The following PDSS2 variants were observed in gnomAD, a reference collection of about 807,000 sequenced individuals.
PDSS2 encodes decaprenyl diphosphate synthase subunit 2, also known as all trans-polyprenyl-diphosphate synthase PDSS2.
Under a neutral mutation model 44.5 loss-of-function variants are expected in PDSS2, and 31 were observed. The ratio of observed to expected loss-of-function variants is 0.70; its 90% CI spans 0.52 to 0.94. PDSS2 has a LOEUF of 0.94. Ranked by LOEUF, PDSS2 falls within the 40% of genes least tolerant of loss-of-function variation. The probability of loss-of-function intolerance (pLI) is 0.00; values close to 1 mark genes in which losing one functional copy is unlikely to be tolerated. For missense variants in PDSS2, 452 were observed against 482.2 expected, an observed-to-expected ratio of 0.94 and a Z score of 0.59; for synonymous variants, 157 against 180.3, an observed-to-expected ratio of 0.87 and a Z score of 1.03.
At chr6:107,340,332 G>A (rs979967470) in intron 1 of PDSS2, among the ~76,000 whole-genome samples, 2 of 152,060 alleles carry the variant, frequency 1.3e-5, no homozygotes, top group African/African-American at 4.8e-5. Flanking sequence ...TGGGAATAAG[G>A]ATTGAGTAGG....
chr6:107,300,663 T>G (rs1776664219), intron 2 of PDSS2, among the ~76,000 whole-genome samples: 1 of 152,206 alleles, frequency 6.6e-6, no homozygotes, highest in Non-Finnish European at 1.5e-5. Context: ...ACCTAGGCAT[T>G]TGAGCCGGAT....
intron 6 of PDSS2, among the ~76,000 whole-genome samples, chr6:107,203,726 CAAT>C (rs919830667): frequency 4.6e-5 from 7 of 152,092 alleles, no homozygotes; most frequent in Non-Finnish European, 8.8e-5. Flanking sequence ...AGTACATTCA[CAAT>C]GTTATGCAAT....
At chr6:107,450,899 T>C (rs1479242718) in intron 1 of PDSS2, among the ~76,000 whole-genome samples, 3 of 152,220 alleles carry the variant, frequency 2.0e-5, no homozygotes, top group Non-Finnish European at 4.4e-5. Context: ...GGCACGATCA[T>C]GGCTCACTGC....
intron 1 of PDSS2, among the ~76,000 whole-genome samples, chr6:107,434,140 T>C (rs1781275733): frequency 6.6e-6 from 1 of 152,182 alleles, no homozygotes; most frequent in Non-Finnish European, 1.5e-5. Flanking sequence ...AAGAGGACTC[T>C]CATACACGAC....
chr6:107,325,001 C>A (rs1460617017), intron 2 of PDSS2, among the ~76,000 whole-genome samples: 1 of 151,910 alleles, frequency 6.6e-6, no homozygotes, highest in Non-Finnish European at 1.5e-5. Context: ...TTATGAACTA[C>A]AATATTTGCA....
chr6:107,417,859 C>A (rs9480771), intron 1 of PDSS2, among the ~76,000 whole-genome samples: 10,492 of 150,788 alleles, frequency 0.07, 432 homozygotes, highest in Non-Finnish European at 0.092. Context: ...GAATCCAAAA[C>A]AACATAAACA....
intron 3 of PDSS2, among the ~76,000 whole-genome samples, chr6:107,273,225 C>T (rs1195111449): frequency 6.6e-6 from 1 of 152,036 alleles, no homozygotes; most frequent in Non-Finnish European, 1.5e-5. Context: ...CTCAGGTGAT[C>T]CACCTGCCTC....
At chr6:107,181,319 C>A (rs2114454886) in intron 7 of PDSS2, among the ~76,000 whole-genome samples, 1 of 151,012 alleles carries the variant, frequency 6.6e-6, no homozygotes, top group Admixed American at 6.6e-5. Flanking sequence ...TAATCACCTC[C>A]CAAAGGAGTT....
chr6:107,368,854 G>T (rs1008853233), intron 1 of PDSS2, among the ~76,000 whole-genome samples: 1 of 152,142 alleles, frequency 6.6e-6, no homozygotes, highest in Non-Finnish European at 1.5e-5. Flanking sequence ...AAAGTGCCTA[G>T]AATAGGCAAC....
chr6:107,343,086 G>A (rs1778130415), intron 1 of PDSS2, among the ~76,000 whole-genome samples: 1 of 152,164 alleles, frequency 6.6e-6, no homozygotes, highest in Non-Finnish European at 1.5e-5. Context: ...AAAGTGCTGG[G>A]AAAGTGAGCC....
chr6:107,202,016 C>G (rs1772795285), intron 6 of PDSS2, among the ~76,000 whole-genome samples: 2 of 152,144 alleles, frequency 1.3e-5, no homozygotes, highest in Admixed American at 6.6e-5. Context: ...TCCCTAAGAA[C>G]ACTGACATTT....
chr6:107,267,031 C>T (rs1775431613), intron 3 of PDSS2, among the ~76,000 whole-genome samples: 1 of 152,234 alleles, frequency 6.6e-6, no homozygotes, highest in Non-Finnish European at 1.5e-5. Context: ...TATCATTTAA[C>T]ATGATTATGT....
intron 1 of PDSS2, among the ~76,000 whole-genome samples, chr6:107,433,076 A>T (rs567384269): frequency 5.3e-5 from 8 of 151,982 alleles, no homozygotes; most frequent in East Asian, 1.9e-4. Context: ...CCAGGAAAAA[A>T]ATTTTTTTTT....
chr6:107,213,657 C>T (rs967487452), intron 4 of PDSS2, among the ~76,000 whole-genome samples: 5 of 151,820 alleles, frequency 3.3e-5, no homozygotes, highest in Non-Finnish European at 7.4e-5. Flanking sequence ...CTTGGGAGGC[C>T]GAGGCAGGAG....
chr6:107,194,835 C>T (rs1486921948), intron 6 of PDSS2, among the ~76,000 whole-genome samples: 1 of 152,074 alleles, frequency 6.6e-6, no homozygotes, highest in Non-Finnish European at 1.5e-5. Flanking sequence ...CCTGTAATCC[C>T]AGCTACTCAG....
chr6:107,290,679 T>C (rs1260521168), intron 2 of PDSS2, among the ~76,000 whole-genome samples: 2 of 152,238 alleles, frequency 1.3e-5, no homozygotes, highest in East Asian at 3.8e-4. Context: ...ACTCGGCTTA[T>C]GTATCTACAA....
At chr6:107,253,588 G>A (rs1258378531) in intron 3 of PDSS2, among the ~76,000 whole-genome samples, 2 of 152,210 alleles carry the variant, frequency 1.3e-5, no homozygotes, top group Admixed American at 6.5e-5. Flanking sequence ...ATCTAGATAA[G>A]AGGTTTCTGT....
intron 4 of PDSS2, among the ~76,000 whole-genome samples, chr6:107,221,206 G>C (rs1773591355): frequency 2.0e-5 from 3 of 151,878 alleles, no homozygotes; most frequent in Admixed American, 2.0e-4. Context: ...GCTGGGAGTA[G>C]TGGCGGGCGC....
intron 1 of PDSS2, among the ~76,000 whole-genome samples, chr6:107,425,917 C>T (rs578141860): frequency 2.6e-5 from 4 of 151,112 alleles, no homozygotes; most frequent in South Asian, 2.1e-4. Context: ...GCCGAGATTG[C>T]GCCACTGCAC....
Sources: allele counts gnomAD v4.1 joint callset (sites outside exome capture counted in the v4.1 genomes callset), GRCh38; gene constraint gnomAD v4.1.1; transcripts MANE v1.5; gene names NCBI Gene and HGNC (gene_info 2026-07-23, HGNC 2026-07-21).